STXBP5L: variants seen among roughly 807,000 people sequenced by gnomAD.
STXBP5L encodes the protein syntaxin-binding protein 5-like.
STXBP5L carries 65 observed loss-of-function variants against 144.5 expected under a neutral mutation model. The ratio of observed to expected loss-of-function variants is 0.45; its 90% CI spans 0.37 to 0.55. The LOEUF (loss-of-function observed/expected upper bound fraction) is 0.55, where lower values mean the gene tolerates loss of function less well. STXBP5L is among the 20% of genes least tolerant of loss of function. STXBP5L has a pLI of 0.00. For synonymous variants in STXBP5L, 505 were observed against 469.6 expected (o/e 1.08, Z -0.97); for missense variants, 1,298 against 1,405.5 (o/e 0.92, Z 1.22).
Position 121,298,915 on chromosome 3 carries a change from G to A in STXBP5L, c.2110+18959G>A, listed in dbSNP as rs552527370. ...TTAGAAGGTAGATTTCATGTTGTGTGTTTTTTACCATTGAATATATGTGTT... is the reference window on the plus strand; with the variant it reads ...TTAGAAGGTAGATTTCATGTTGTGTATTTTTTACCATTGAATATATGTGTT... On this transcript the variant is annotated intron_variant, in intron 19 of 26. Transcript: ENST00000471454. Among the ~76,000 whole-genome samples, 11 of 152,252 alleles carry A rather than the reference G, an allele frequency of 7.2e-5. No individual in the cohort carries two copies. In the East Asian group the frequency reaches 1.2e-3, roughly 16 times the overall value.
chr3:121,311,766 C>A (rs1019014114), intron 19 of STXBP5L, among the ~76,000 whole-genome samples: 1 of 152,126 alleles, frequency 6.6e-6, no homozygotes, highest in Non-Finnish European at 1.5e-5. Context: ...GGCCATATTG[C>A]CCAAGGTAAT....
At chr3:121,218,493 G>C (rs986165227) in intron 10 of STXBP5L, among the ~76,000 whole-genome samples, 1 of 151,422 alleles carries the variant, frequency 6.6e-6, no homozygotes, top group Non-Finnish European at 1.5e-5. Flanking sequence ...TCTAGCAGTA[G>C]AGGCAAGGAC....
intron 3 of STXBP5L, among the ~76,000 whole-genome samples, chr3:121,000,244 C>T (rs1342452429): frequency 6.6e-6 from 1 of 152,128 alleles, no homozygotes; most frequent in Non-Finnish European, 1.5e-5. Context: ...TTCAGTGACA[C>T]TAAGGAGTCA....
Position 121,032,703 on chromosome 3 carries a change from A to G in STXBP5L, c.288-8997A>G, listed in dbSNP as rs1420637923. On this transcript the variant is annotated intron_variant, in intron 3 of 26. Coordinates refer to ENST00000471454, the MANE Select transcript of STXBP5L (RefSeq NM_001308330.2). ...AAAGGGCTAATATCCAGAATCTACA[A>G]TGAACTCAAACAAATTTACAAGAAA... Among the ~76,000 whole-genome samples, 5 of 105,384 alleles carry G rather than the reference A, an allele frequency of 4.7e-5. No individual in the cohort carries two copies. In the Admixed American group the frequency reaches 5.5e-4, roughly 12 times the overall value. The allele number at this position is 105,384 out of a possible 152,430, so 69.1% of individuals were successfully genotyped here.
rs773187305 is a variant in STXBP5L, at chr3:121,157,584, C to T, written c.834C>T (p.Asn278=). 5 of 1,605,918 alleles carry T rather than the reference C, an allele frequency of 3.1e-6. No homozygotes were observed. The East Asian group carries it at 6.8e-5, about 22-fold the overall frequency. ...SHSDGSLTLW[N]LKSPSRPFQT... is the part of the protein sequence containing the mutation. ...CAGATGGTAGTTTGACTTTATGGAA[C>T]CTGAAAAGCCCAAGTCGCCCTTTCC... Residue 278 remains asparagine (N), a synonymous_variant, in exon 9 of 27, where the codon AAC becomes AAT. Coordinates refer to ENST00000471454, the MANE Select transcript of STXBP5L (RefSeq NM_001308330.2).
chr3:121,186,863 G>A (rs1346483121), intron 9 of STXBP5L, among the ~76,000 whole-genome samples: 3 of 152,130 alleles, frequency 2.0e-5, no homozygotes, highest in Non-Finnish European at 4.4e-5. Context: ...ACCACAATGA[G>A]ATACCATCTC....
At chr3:121,408,643 C>G (rs933483945) in intron 23 of STXBP5L, among the ~76,000 whole-genome samples, 1 of 151,878 alleles carries the variant, frequency 6.6e-6, no homozygotes, top group African/African-American at 2.4e-5. Context: ...TGTTGACGAC[C>G]TTGAATGTCA....
chr3:121,148,223 G>A (rs947193853), intron 7 of STXBP5L, among the ~76,000 whole-genome samples: 3 of 151,984 alleles, frequency 2.0e-5, no homozygotes, highest in Non-Finnish European at 4.4e-5. Context: ...ACAGTTATTT[G>A]AAAATACTAA....
At chr3:121,346,529 T>C (rs1421565133) in intron 20 of STXBP5L, among the ~76,000 whole-genome samples, 3 of 152,164 alleles carry the variant, frequency 2.0e-5, no homozygotes, top group Non-Finnish European at 4.4e-5. Flanking sequence ...ATCGCCACAC[T>C]GTCTTCCACA....
At chr3:121,217,265 C>T (rs2048811757) in intron 10 of STXBP5L, among the ~76,000 whole-genome samples, 1 of 152,128 alleles carries the variant, frequency 6.6e-6, no homozygotes, top group Non-Finnish European at 1.5e-5. Flanking sequence ...GGTGTCTGCC[C>T]AAATGGCTTC....
intron 3 of STXBP5L, among the ~76,000 whole-genome samples, chr3:120,963,982 C>T (rs536572477): frequency 3.3e-5 from 5 of 152,158 alleles, no homozygotes; most frequent in Non-Finnish European, 5.9e-5. Context: ...GATTCGACTT[C>T]TTCCTGGCTT....
At chr3:121,206,700 G>T (rs987524709) in intron 10 of STXBP5L, among the ~76,000 whole-genome samples, 1 of 152,208 alleles carries the variant, frequency 6.6e-6, no homozygotes, top group South Asian at 2.1e-4. Flanking sequence ...TGTAATCCCA[G>T]CTACTTGGGA....
At chr3:120,954,836 T>C (rs1048465136) in intron 2 of STXBP5L, 104 bp from the exon 3 acceptor site, 4 of 810,440 alleles carry the variant, frequency 4.9e-6, no homozygotes, top group Non-Finnish European at 7.3e-6. Context: ...CTTTTTTTTT[T>C]CCTTTAAACT....
chr3:121,088,192 T>A (rs2042592583), intron 5 of STXBP5L, among the ~76,000 whole-genome samples: 1 of 143,488 alleles, frequency 7.0e-6, no homozygotes, highest in Non-Finnish European at 1.5e-5. Flanking sequence ...AACCTACTCA[T>A]CTGACAAAGG....
chr3:121,013,271 C>G (rs1944912052), intron 3 of STXBP5L, among the ~76,000 whole-genome samples: 1 of 152,064 alleles, frequency 6.6e-6, no homozygotes, highest in Non-Finnish European at 1.5e-5. Context: ...AATCTCCAAA[C>G]TACTTTCCAC....
chr3:121,072,284 C>G (rs2041841520), intron 5 of STXBP5L, among the ~76,000 whole-genome samples: 1 of 152,194 alleles, frequency 6.6e-6, no homozygotes. Flanking sequence ...TCCATAAAGT[C>G]CACAAGCAGG....
intron 2 of STXBP5L, among the ~76,000 whole-genome samples, chr3:120,951,697 A>C (rs1007334220): frequency 2.0e-5 from 3 of 151,684 alleles, no homozygotes; most frequent in African/African-American, 4.8e-5. Context: ...ACACTTTTAC[A>C]CTGTTGTTGG....
intron 20 of STXBP5L, among the ~76,000 whole-genome samples, chr3:121,353,667 TG>T (rs2045392002): frequency 6.6e-6 from 1 of 152,216 alleles, no homozygotes; most frequent in Non-Finnish European, 1.5e-5. Flanking sequence ...AAGGGTTTTT[TG>T]TGTCTTTATC....
rs1056547605 is a variant in STXBP5L at position 121,355,033 on chromosome 3, G to A, written c.2177-23683G>A. On this transcript the variant is annotated intron_variant, in intron 20 of 26. Coordinates refer to ENST00000471454, the MANE Select transcript of STXBP5L (RefSeq NM_001308330.2). ...ATTGGCTCCCACTCTCTTCTGGCTTGTAGGGTTTCTGCCAAGAGATCCGCT... is the reference window on the plus strand; with the variant it reads ...ATTGGCTCCCACTCTCTTCTGGCTTATAGGGTTTCTGCCAAGAGATCCGCT... 2.6e-5 allele frequency among the ~76,000 whole-genome samples: 4 copies of A among 152,196 alleles called. No homozygotes were observed. In the East Asian group the frequency reaches 5.8e-4, roughly 22 times the overall value.
Sources: gnomAD v4.1 joint callset for allele counts (sites outside exome capture counted in the v4.1 genomes callset) on GRCh38, gnomAD v4.1.1 for gene constraint, MANE v1.5 for transcripts, NCBI Gene and HGNC (gene_info 2026-07-23, HGNC 2026-07-21) for gene names.